Variants in DNM3 observed in about 807,000 individuals in gnomAD.
The protein encoded by DNM3 is dynamin-3.
DNM3 carries 47 observed loss-of-function variants against 101.6 expected under a neutral mutation model. That is an observed-to-expected ratio of 0.46 (90% CI 0.37 to 0.59). The LOEUF is 0.59. Ranked by LOEUF, DNM3 falls within the 20% of genes least tolerant of loss-of-function variation. The probability of loss-of-function intolerance (pLI) is 0.00; values close to 1 mark genes in which losing one functional copy is unlikely to be tolerated. For synonymous variants in DNM3, 385 were observed against 387.9 expected (o/e 0.99, Z 0.09); for missense variants, 849 against 1,085.7 (o/e 0.78, Z 3.06).
intron 16 of DNM3, among the ~76,000 whole-genome samples, chr1:172,315,269 G>T (rs2065277514): frequency 6.6e-6 from 1 of 152,134 alleles, no homozygotes; most frequent in Admixed American, 6.5e-5. Flanking sequence ...ACCAAAAGTA[G>T]ATAAAACCAC....
intron 11 of DNM3, among the ~76,000 whole-genome samples, chr1:172,076,328 C>A (rs980945443): frequency 1.3e-5 from 2 of 152,104 alleles, no homozygotes; most frequent in African/African-American, 4.8e-5. Flanking sequence ...GCCTGATTGC[C>A]CTGGCCAAAA....
chr1:172,137,395 C>T (rs1263155298), intron 14 of DNM3: 1 of 152,128 alleles, frequency 6.6e-6, no homozygotes, highest in African/African-American at 2.4e-5. Flanking sequence ...GACATATTGC[C>T]ATAAGACAAG....
intron 14 of DNM3, among the ~76,000 whole-genome samples, chr1:172,233,125 A>G (rs1358080397): frequency 6.6e-6 from 1 of 152,206 alleles, no homozygotes; most frequent in Non-Finnish European, 1.5e-5. Flanking sequence ...GATCAACAAA[A>G]TTGATAGACC....
intron 17 of DNM3, among the ~76,000 whole-genome samples, chr1:172,328,567 T>C (rs1365688733): frequency 6.6e-6 from 1 of 152,074 alleles, no homozygotes; most frequent in African/African-American, 2.4e-5. Context: ...AGGTTCTCAC[T>C]TGTAAGTGGG....
In DNM3 at chr1:172,385,340, G is replaced by A. The variant is rs186805768; in HGVS notation, c.2059-1793G>A. 1.9e-3 allele frequency among the ~76,000 whole-genome samples: 290 copies of A among 152,164 alleles called. 6 individuals carry two copies. The highest frequency in any genetic ancestry group is 3.1e-4 in the Non-Finnish European group (21 of 67,998). On this transcript the variant is annotated intron_variant, in intron 18 of 20. Transcript: ENST00000627582. ...TATTGTTTCACTTACTTGCTTAAACGCTTTCGCTGGCCCCTCATTGCCAAG... is the reference window on the plus strand; with the variant it reads ...TATTGTTTCACTTACTTGCTTAAACACTTTCGCTGGCCCCTCATTGCCAAG...
intron 15 of DNM3, among the ~76,000 whole-genome samples, chr1:172,261,722 C>A (rs908689944): frequency 9.9e-5 from 15 of 152,222 alleles, no homozygotes; most frequent in African/African-American, 3.6e-4. Flanking sequence ...GCAGTGGCTG[C>A]AAGAGGTTGG....
intron 11 of DNM3, among the ~76,000 whole-genome samples, chr1:172,070,423 T>C (rs1302716229): frequency 6.6e-6 from 1 of 152,230 alleles, no homozygotes; most frequent in Non-Finnish European, 1.5e-5. Context: ...AGTGTTTTCA[T>C]CTATAATATT....
At chr1:172,114,903 TA>T (rs2055779030) in intron 13 of DNM3, among the ~76,000 whole-genome samples, 1 of 152,228 alleles carries the variant, frequency 6.6e-6, no homozygotes, top group South Asian at 2.1e-4. Context: ...TTATCTTTTA[TA>T]ATCTTCATGC....
At chr1:172,078,454 T>C (rs1421298366) in intron 11 of DNM3, among the ~76,000 whole-genome samples, 3 of 152,146 alleles carry the variant, frequency 2.0e-5, no homozygotes, top group Non-Finnish European at 2.9e-5. Context: ...GCTTTTTTTT[T>C]TTTTCTTTCC....
At chr1:172,005,640 T>C (rs1481529200) in intron 4 of DNM3, among the ~76,000 whole-genome samples, 3 of 152,104 alleles carry the variant, frequency 2.0e-5, no homozygotes, top group Admixed American at 6.6e-5. Flanking sequence ...TGTGTGTGTG[T>C]GCGCACTGGT....
intron 15 of DNM3, among the ~76,000 whole-genome samples, chr1:172,290,713 T>C (rs1006216543): frequency 6.6e-6 from 1 of 152,122 alleles, no homozygotes; most frequent in African/African-American, 2.4e-5. Context: ...GACTTGGATA[T>C]GGGAATCTGT....
At chr1:172,006,878 T>C (rs1389614886) in intron 4 of DNM3, among the ~76,000 whole-genome samples, 1 of 152,120 alleles carries the variant, frequency 6.6e-6, no homozygotes, top group Non-Finnish European at 1.5e-5. Flanking sequence ...ATTAGATTTG[T>C]CTTTTCTAGA....
At position 171,841,687 on chromosome 1, in the gene DNM3, C is replaced by T. The variant is rs771766621; in HGVS notation, c.31C>T (p.Pro11Ser). Residue 11 changes from proline to serine, a missense_variant, in exon 1 of 21, where the codon CCG becomes TCG. Coordinates refer to ENST00000627582, the MANE Select transcript of DNM3 (RefSeq NM_015569.5). The part of the protein sequence containing the change: MGNREMEELI[P>S]LVNRLQDAFS... Reference sequence around the variant, plus strand: ...GAACCGGGAGATGGAGGAGCTGATCCCGCTGGTGAACCGTCTGCAGGACGC... The same window carrying T: ...GAACCGGGAGATGGAGGAGCTGATCTCGCTGGTGAACCGTCTGCAGGACGC... The T allele has an allele frequency of 1.1e-5, 18 of 1,611,918 alleles. No individual in the cohort carries two copies. The highest frequency in any genetic ancestry group is 5.0e-5 in the Admixed American group (3 of 59,882).
intron 15 of DNM3, among the ~76,000 whole-genome samples, chr1:172,257,002 G>C (rs1010337024): frequency 6.8e-6 from 1 of 147,030 alleles, no homozygotes; most frequent in Non-Finnish European, 1.5e-5. Context: ...TAATTGTATT[G>C]TGACCAAATA....
intron 2 of DNM3, among the ~76,000 whole-genome samples, chr1:171,968,653 G>A (rs2043766693): frequency 6.6e-6 from 1 of 151,686 alleles, no homozygotes; most frequent in Non-Finnish European, 1.5e-5. Context: ...CCCCATTTTG[G>A]CTTGGTATGT....
At chr1:171,986,387 G>A (rs932379255) in intron 2 of DNM3, among the ~76,000 whole-genome samples, 1 of 152,042 alleles carries the variant, frequency 6.6e-6, no homozygotes, top group African/African-American at 2.4e-5. Context: ...CCACATCTGA[G>A]CTAAGTGACA....
chr1:172,021,508 T>G (rs2047852907), intron 4 of DNM3, among the ~76,000 whole-genome samples: 1 of 152,144 alleles, frequency 6.6e-6, no homozygotes, highest in African/African-American at 2.4e-5. Context: ...GGAAGTCTTT[T>G]GAGAGTTAAA....
At chr1:172,259,196 G>A (rs918779180) in intron 15 of DNM3, among the ~76,000 whole-genome samples, 14 of 151,994 alleles carry the variant, frequency 9.2e-5, no homozygotes, top group Non-Finnish European at 1.6e-4. Context: ...TGTTCTGTGT[G>A]CTGATTAAGA....
chr1:172,024,694 A>T (rs1018420903), intron 4 of DNM3, among the ~76,000 whole-genome samples: 3 of 151,940 alleles, frequency 2.0e-5, no homozygotes, highest in Non-Finnish European at 4.4e-5. Flanking sequence ...TGGGAAGCGC[A>T]TGGGGTTGGG....
Sources: allele counts gnomAD v4.1 joint callset (sites outside exome capture counted in the v4.1 genomes callset), GRCh38; gene constraint gnomAD v4.1.1; transcripts MANE v1.5; gene names NCBI Gene and HGNC (gene_info 2026-07-23, HGNC 2026-07-21).